The following PHF24 variants were observed in gnomAD, a reference collection of about 807,000 sequenced individuals.
PHF24 encodes the protein Galpha inhibitory interacting protein.
PHF24 carries 25 observed loss-of-function variants against 42.6 expected under a neutral mutation model. The ratio of observed to expected loss-of-function variants is 0.59; its 90% CI spans 0.43 to 0.82. The LOEUF (loss-of-function observed/expected upper bound fraction) is 0.82. PHF24 is among the 40% of genes least tolerant of loss of function. PHF24 has a pLI of 0.00. For synonymous variants in PHF24, 185 were observed against 204.8 expected (o/e 0.90, Z 0.83); for missense variants, 470 against 538.1 (o/e 0.87, Z 1.25).
chr9:34,937,872 C>G, the PHF24 span, among the ~76,000 whole-genome samples: 6 of 152,130 alleles, frequency 3.9e-5, no homozygotes, highest in Non-Finnish European at 8.8e-5. Flanking sequence ...AGATTAGTTT[C>G]CCTTTTGTTA....
the PHF24 span, among the ~76,000 whole-genome samples, chr9:34,671,932 T>C: frequency 6.6e-6 from 1 of 152,230 alleles, no homozygotes; most frequent in Non-Finnish European, 1.5e-5. Context: ...TTTTTTCATA[T>C]ATTCATTGTG....
chr9:34,909,778 T>G, the PHF24 span, among the ~76,000 whole-genome samples: 2 of 152,264 alleles, frequency 1.3e-5, no homozygotes, highest in African/African-American at 2.4e-5. Context: ...TCCGCCACCA[T>G]GCCTGGCTAA....
At chr9:34,767,701 G>A in the PHF24 span, among the ~76,000 whole-genome samples, 1,889 of 152,346 alleles carry the variant, frequency 0.012, 22 homozygotes, top group Admixed American at 0.028. Flanking sequence ...CGCATGGTGC[G>A]CTGCACCCAC....
chr9:34,769,077 AC>A, the PHF24 span, among the ~76,000 whole-genome samples: 1 of 152,146 alleles, frequency 6.6e-6, no homozygotes, highest in Non-Finnish European at 1.5e-5. Flanking sequence ...AATATGTAAA[AC>A]CTTTTTGAGA....
chr9:34,833,302 C>A, the PHF24 span: 2 of 1,551,282 alleles, frequency 1.3e-6, no homozygotes, highest in African/African-American at 2.7e-5. Context: ...CTGTCATGTC[C>A]CCACTGGGTT....
the PHF24 span, among the ~76,000 whole-genome samples, chr9:34,868,735 C>G: frequency 6.6e-6 from 1 of 152,062 alleles, no homozygotes; most frequent in African/African-American, 2.4e-5. Context: ...TAAATGCTTT[C>G]TTATTTCTTC....
chr9:34,691,397 C>G, the PHF24 span: 1,994 of 480,964 alleles, frequency 4.1e-3, 10 homozygotes, highest in Non-Finnish European at 6.0e-3. Flanking sequence ...GAATCGCACC[C>G]TGCCCCCCTT....
chr9:34,841,966 G>C, the PHF24 span, among the ~76,000 whole-genome samples: 70,633 of 152,004 alleles, frequency 0.46, 17,078 homozygotes, highest in East Asian at 0.67. Flanking sequence ...TATTTATACC[G>C]CTTTGTAATT....
chr9:34,737,231 G>C, the PHF24 span, among the ~76,000 whole-genome samples: 1 of 152,088 alleles, frequency 6.6e-6, no homozygotes, highest in Non-Finnish European at 1.5e-5. Flanking sequence ...CAGCAACCAT[G>C]AATCTGCTTT....
the PHF24 span, among the ~76,000 whole-genome samples, chr9:34,677,199 A>G: frequency 1.3e-5 from 2 of 152,080 alleles, no homozygotes; most frequent in Admixed American, 1.3e-4. Context: ...TTATGCTTCA[A>G]ATATAATCCA....
the PHF24 span, among the ~76,000 whole-genome samples, chr9:34,829,147 G>A: frequency 6.6e-6 from 1 of 152,074 alleles, no homozygotes; most frequent in Admixed American, 6.5e-5. Context: ...ATTTACTGAT[G>A]GAACGGATGT....
At chr9:34,770,193 G>A in the PHF24 span, among the ~76,000 whole-genome samples, 1 of 152,124 alleles carries the variant, frequency 6.6e-6, no homozygotes, top group Non-Finnish European at 1.5e-5. Flanking sequence ...TATATGTAAA[G>A]AGTACCCAAT....
At chr9:34,919,372 C>T in the PHF24 span, among the ~76,000 whole-genome samples, 2 of 152,180 alleles carry the variant, frequency 1.3e-5, no homozygotes, top group African/African-American at 2.4e-5. Flanking sequence ...TATTGTCACC[C>T]TACTGTGCTA....
At chr9:34,857,384 C>T in the PHF24 span, among the ~76,000 whole-genome samples, 4 of 152,322 alleles carry the variant, frequency 2.6e-5, no homozygotes, top group Admixed American at 2.6e-4. Context: ...TGCCCAAGCA[C>T]TCTGCTGAGG....
At chr9:34,902,734 A>G in the PHF24 span, among the ~76,000 whole-genome samples, 1 of 152,222 alleles carries the variant, frequency 6.6e-6, no homozygotes, top group Non-Finnish European at 1.5e-5. Flanking sequence ...CCTTTTCACC[A>G]TTTAAAATGT....
chr9:34,867,495 A>T, the PHF24 span, among the ~76,000 whole-genome samples: 1 of 152,184 alleles, frequency 6.6e-6, no homozygotes, highest in Non-Finnish European at 1.5e-5. Context: ...CAAGTGACAG[A>T]ATGGCTGAGT....
At chr9:34,753,498 A>G in the PHF24 span, among the ~76,000 whole-genome samples, 2 of 152,174 alleles carry the variant, frequency 1.3e-5, no homozygotes, top group African/African-American at 2.4e-5. Context: ...AAGAGGACAC[A>G]AAAAATAAAA....
At chr9:34,704,696 T>C in the PHF24 span, among the ~76,000 whole-genome samples, 147,194 of 152,074 alleles carry the variant, frequency 0.97, 71,390 homozygotes, top group East Asian at 1. Context: ...ATTAGCTGGG[T>C]GTGGTGGTGT....
At chr9:34,791,230 C>T in the PHF24 span, among the ~76,000 whole-genome samples, 3 of 152,100 alleles carry the variant, frequency 2.0e-5, no homozygotes, top group African/African-American at 4.8e-5. Flanking sequence ...GCAAGATAGT[C>T]GGCAAGAAGT....
Sources: allele counts gnomAD v4.1 joint callset (sites outside exome capture counted in the v4.1 genomes callset), GRCh38; gene constraint gnomAD v4.1.1; transcripts MANE v1.5; gene names NCBI Gene and HGNC (gene_info 2026-07-23, HGNC 2026-07-21).